Variants in COL5A1 observed in about 807,000 individuals in gnomAD.
COL5A1 encodes the protein collagen alpha-1(V) chain.
A neutral mutation model predicts 263.7 loss-of-function variants in COL5A1; 16 were observed. The observed-to-expected ratio is 0.06, with a 90% CI of 0.04 to 0.09. The LOEUF is 0.09. Ranked by LOEUF, COL5A1 falls within the 10% of genes least tolerant of loss-of-function variation. The pLI is 1.00. For synonymous variants in COL5A1, 1,012 were observed against 1,004.5 expected, an observed-to-expected ratio of 1.01 and a Z score of -0.14; for missense variants, 2,036 against 2,540.5, an observed-to-expected ratio of 0.80 and a Z score of 4.27.
Position 134,700,636 on chromosome 9 carries a change from A to G in COL5A1, c.491+514A>G, listed in dbSNP as rs1266144953. Among the ~76,000 whole-genome samples, 2 of 152,142 alleles carry G rather than the reference A, an allele frequency of 1.3e-5. No homozygotes were observed. Among genetic ancestry groups the G allele is most frequent in the East Asian group, 1.9e-4 (1 of 5,182 alleles). ...GATAATCTCCGAACGTCTTCAATAC[A>G]TGATTTCTGAATTCTTCGCCAAGAC... On this transcript the variant is annotated intron_variant, in intron 3 of 65. Transcript: ENST00000371817. The surrounding 1 kb of genome is among the most constrained non-coding windows in gnomAD (Gnocchi z 4.0).
Position 134,754,466 on chromosome 9 carries a change from T to A in COL5A1, c.1827+140T>A. 1 of 961,772 alleles carries A rather than the reference T, an allele frequency of 1.0e-6. No individual in the cohort carries two copies. The highest frequency in any genetic ancestry group is 1.6e-6 in the Non-Finnish European group (1 of 607,900). 59.6% of individuals were successfully genotyped at this position (961,772 alleles called of 1,614,324 possible). A position where few individuals can be genotyped will look rare whatever the true frequency, so the allele number is the denominator to read the frequency against. ...CCCCTTCTTGTGATGGGTGCGTCCA[T>A]CCCCAAGGCTGCCTCTGAGCCAGCT... On this transcript the variant is annotated intron_variant, in intron 16 of 65. Transcript: ENST00000371817. This position sits in a 1 kb window ranked among gnomAD's most constrained non-coding sequence, Gnocchi z 4.3.
At chr9:134,773,217 C>T (rs762689849) in intron 26 of COL5A1, among the ~76,000 whole-genome samples, 4 of 152,216 alleles carry the variant, frequency 2.6e-5, no homozygotes, top group Non-Finnish European at 4.4e-5. Flanking sequence ...ACAGACCTAC[C>T]AGGTCACGCC....
intron 42 of COL5A1, 95 bp from the exon 43 acceptor site, chr9:134,809,088 T>G: frequency 2.7e-6 from 3 of 1,118,188 alleles, no homozygotes; most frequent in Non-Finnish European, 4.0e-6. Flanking sequence ...AACTCCCACT[T>G]CCTGCCAGCG....
rs1488002882 is a variant in COL5A1, at chr9:134,680,457, C to T, written c.110-10455C>T. Among the ~76,000 whole-genome samples the T allele has an allele frequency of 6.6e-6, 1 of 152,230 alleles. No homozygotes were observed. Among genetic ancestry groups the T allele is most frequent in the Admixed American group, 6.5e-5 (1 of 15,290 alleles). ...GGTGCGAGCTCCCTGCCCGGCACACCTGTACCTGTTCCTCCATGACCCATG... is the reference window on the plus strand; with the variant it reads ...GGTGCGAGCTCCCTGCCCGGCACACTTGTACCTGTTCCTCCATGACCCATG... On this transcript the variant is annotated intron_variant, in intron 1 of 65. Transcript: ENST00000371817. This position sits in a 1 kb window ranked among gnomAD's most constrained non-coding sequence, Gnocchi z 5.9.
Position 134,820,846 on chromosome 9 carries a change from G to A in COL5A1, c.4554+623G>A, listed in dbSNP as rs576934258. On this transcript the variant is annotated intron_variant, in intron 58 of 65. Transcript: ENST00000371817. Reference sequence around the variant, plus strand: ...TCTGTCCTTCCCCCATGAGGGCCACGGGTCCTTATTCCTGTGTGGGAATCT... The same window carrying A: ...TCTGTCCTTCCCCCATGAGGGCCACAGGTCCTTATTCCTGTGTGGGAATCT... Among the ~76,000 whole-genome samples the A allele has an allele frequency of 3.3e-3, 496 of 152,246 alleles. 3 individuals carry two copies. The highest frequency in any genetic ancestry group is 0.011 in the African/African-American group (466 of 41,542).
intron 1 of COL5A1, among the ~76,000 whole-genome samples, chr9:134,669,960 G>A (rs892175044): frequency 1.3e-5 from 2 of 152,202 alleles, no homozygotes; most frequent in African/African-American, 2.4e-5. Context: ...TAAAAGGAAC[G>A]CATACTCATT....
In COL5A1 at chr9:134,687,691, C is replaced by T. The variant is rs374874259; in HGVS notation, c.110-3221C>T. Reference sequence around the variant, plus strand: ...CACCGGGCTGGGTGTGGAGACCACACGCGTGATGCCATCTCGTCTTCACTG... The same window carrying T: ...CACCGGGCTGGGTGTGGAGACCACATGCGTGATGCCATCTCGTCTTCACTG... On this transcript the variant is annotated intron_variant, in intron 1 of 65. Transcript: ENST00000371817. Among the ~76,000 whole-genome samples, 46 of 152,282 alleles carry T rather than the reference C, an allele frequency of 3.0e-4. No homozygotes were observed. In the East Asian group the frequency reaches 3.9e-3, roughly 13 times the overall value.
chr9:134,676,068 AAAT>A (rs1396226959), intron 1 of COL5A1, among the ~76,000 whole-genome samples: 2 of 152,156 alleles, frequency 1.3e-5, no homozygotes, highest in Non-Finnish European at 1.5e-5. Context: ...TTTGTTAACA[AAAT>A]TATGCCAGTT....
intron 25 of COL5A1, among the ~76,000 whole-genome samples, chr9:134,772,052 G>C (rs528669960): frequency 1.2e-4 from 18 of 152,314 alleles, no homozygotes; most frequent in African/African-American, 3.8e-4. Flanking sequence ...CCTTCCTAGA[G>C]CCTCGGCTGG....
In COL5A1 at chr9:134,824,619, T is replaced by G. The variant is rs1244375106; in HGVS notation, c.4718T>G (p.Ile1573Ser). 4 of 1,613,942 alleles carry G rather than the reference T, an allele frequency of 2.5e-6. No individual in the cohort carries two copies. In the African/African-American group the frequency reaches 5.3e-5, roughly 22 times the overall value. Residue 1573 changes from isoleucine to serine, a missense_variant, in exon 62 of 66, where the codon ATC becomes AGC. This residue lies in a region of COL5A1 where 358 missense variants were observed against 384.6 expected (regional missense o/e 0.93). Transcript: ENST00000371817. ...PGPPGPPGEV[I>S]QPLPIQASRT... Reference sequence around the variant, plus strand: ...CCCCAGGGCCCCCCGGGAGAGGTCATCCAGCCCCTGCCAATCCAGGCATCC... The same window carrying G: ...CCCCAGGGCCCCCCGGGAGAGGTCAGCCAGCCCCTGCCAATCCAGGCATCC...
chr9:134,738,592 C>T, intron 10 of COL5A1, 77 bp downstream of exon 10: 2 of 1,587,386 alleles, frequency 1.3e-6, no homozygotes, highest in Non-Finnish European at 1.7e-6. Flanking sequence ...CCTTATGTCT[C>T]CTGGATGGAA....
At chr9:134,795,041 G>A (rs760812540) in intron 32 of COL5A1, 41 bp from the exon 33 acceptor site, 11 of 1,605,450 alleles carry the variant, frequency 6.9e-6, no homozygotes, top group Non-Finnish European at 6.8e-6. Flanking sequence ...GCAGGGCCGG[G>A]CATTTAGAGA....
chr9:134,801,443 G>T (rs1838109476), intron 37 of COL5A1, among the ~76,000 whole-genome samples: 1 of 152,252 alleles, frequency 6.6e-6, no homozygotes, highest in South Asian at 2.1e-4. Flanking sequence ...GCCTAAAGAT[G>T]CAGAGGCAGG....
Position 134,754,129 on chromosome 9 carries a change from C to T in COL5A1, c.1774-144C>T, listed in dbSNP as rs749928518. The stretch of plus-strand genomic sequence containing the variant: ...TGGCCTTCATTCTGGGCAGCAGATC[C>T]GTGTCCCGTCCCCGAAGTGCCCACA... On this transcript the variant is annotated intron_variant, in intron 15 of 65. Coordinates refer to ENST00000371817, the MANE Select transcript of COL5A1 (RefSeq NM_000093.5). This position sits in a 1 kb window ranked among gnomAD's most constrained non-coding sequence, Gnocchi z 4.3. 7.7e-5 allele frequency: 69 copies of T among 897,532 alleles called. No homozygotes were observed. Among genetic ancestry groups the T allele is most frequent in the Middle Eastern group, 4.3e-4 (2 of 4,694 alleles). The allele number at this position is 897,532 out of a possible 1,614,324, so 55.6% of individuals were successfully genotyped here.
At chr9:134,791,054 C>T (rs545312231) in intron 32 of COL5A1, among the ~76,000 whole-genome samples, 9 of 152,328 alleles carry the variant, frequency 5.9e-5, no homozygotes, top group East Asian at 1.9e-4. Context: ...ACCGGCGAGC[C>T]GAGGAGCTTA....
At chr9:134,690,864 G>A in intron 1 of COL5A1, 48 bp from the exon 2 acceptor site, 2 of 1,610,184 alleles carry the variant, frequency 1.2e-6, no homozygotes, top group Non-Finnish European at 1.7e-6. Flanking sequence ...GTTCCCAGGT[G>A]CTCCTTTCCT....
chr9:134,687,645 G>C (rs1395325289), intron 1 of COL5A1, among the ~76,000 whole-genome samples: 1 of 152,170 alleles, frequency 6.6e-6, no homozygotes, highest in Non-Finnish European at 1.5e-5. Context: ...ACAGCTGCAT[G>C]GTCCTTCACT....
intron 65 of COL5A1, among the ~76,000 whole-genome samples, chr9:134,837,725 T>C (rs544252096): frequency 6.6e-6 from 1 of 151,948 alleles, no homozygotes; most frequent in South Asian, 2.1e-4. Flanking sequence ...AGTGTGGCCA[T>C]TGGTTTGCAA....
chr9:134,655,427 C>G (rs374671455), intron 1 of COL5A1, among the ~76,000 whole-genome samples: 1 of 152,016 alleles, frequency 6.6e-6, no homozygotes, highest in Non-Finnish European at 1.5e-5. Context: ...GGCTGTGCAG[C>G]GTCCTCATGA....
Sources: gnomAD v4.1 joint callset for allele counts (sites outside exome capture counted in the v4.1 genomes callset) on GRCh38, gnomAD v4.1.1 for gene constraint, gnomAD v4.1.1 regional missense constraint, Gnocchi (gnomAD v3.1) non-coding constraint, MANE v1.5 for transcripts, NCBI Gene and HGNC (gene_info 2026-07-23, HGNC 2026-07-21) for gene names.